NRG4: variants seen among roughly 807,000 people sequenced by gnomAD.
The protein encoded by NRG4 is pro-neuregulin-4, membrane-bound isoform.
NRG4 carries 10 observed loss-of-function variants against 15.0 expected under a neutral mutation model. The ratio of observed to expected loss-of-function variants is 0.67; its 90% CI spans 0.41 to 1.13. The LOEUF (loss-of-function observed/expected upper bound fraction) is 1.13, where lower values mean the gene tolerates loss of function less well. Ranked by LOEUF, NRG4 falls within the 50% of genes most tolerant of loss-of-function variation. The pLI is 0.00. For missense variants in NRG4, 139 were observed against 140.2 expected (o/e 0.99, Z 0.04); for synonymous variants, 41 against 50.1 (o/e 0.82, Z 0.77).
intron 4 of NRG4, among the ~76,000 whole-genome samples, chr15:75,960,465 T>C (rs1400376934): frequency 2.0e-5 from 3 of 152,196 alleles, no homozygotes; most frequent in African/African-American, 7.2e-5. Flanking sequence ...GCTCTCTGTG[T>C]AGCTGCAGTA....
At chr15:75,997,121 T>C (rs901853569) in intron 3 of NRG4, among the ~76,000 whole-genome samples, 1 of 152,150 alleles carries the variant, frequency 6.6e-6, no homozygotes, top group Middle Eastern at 3.2e-3. Context: ...GAAAAAAATA[T>C]GTAAACTAAA....
chr15:75,943,589 T>G lies in NRG4; in HGVS notation c.*49A>C, dbSNP rs1217405566. ...TCTTTTACCTAGTGGTGTTTCATTTTCTGCCTTTGTAAAATAAAAACAATG... is the reference window on the plus strand; with the variant it reads ...TCTTTTACCTAGTGGTGTTTCATTTGCTGCCTTTGTAAAATAAAAACAATG... On this transcript the variant is annotated 3_prime_UTR_variant, in exon 6 of 6. Coordinates refer to ENST00000394907, the MANE Select transcript of NRG4 (RefSeq NM_138573.4). 1 of 1,259,718 alleles carries G rather than the reference T, an allele frequency of 7.9e-7. No individual in the cohort carries two copies. Among genetic ancestry groups the G allele is most frequent in the Non-Finnish European group, 1.2e-6 (1 of 863,912 alleles). The allele number at this position is 1,259,718 out of a possible 1,614,324, so 78.0% of individuals were successfully genotyped here.
Position 75,990,659 on chromosome 15 carries a change from T to A in NRG4, c.104+18541A>T, listed in dbSNP as rs113677672. The stretch of plus-strand genomic sequence containing the variant: ...ACTGATGTTGGTAATTTTCTTACTG[T>A]AGTTGGTAATTGTTTTTTTTTTTTG... On this transcript the variant is annotated intron_variant, in intron 3 of 5. Coordinates refer to ENST00000394907, the MANE Select transcript of NRG4 (RefSeq NM_138573.4). Among the ~76,000 whole-genome samples, 221 of 150,214 alleles carry A rather than the reference T, an allele frequency of 1.5e-3. 2 individuals carry two copies. Among genetic ancestry groups the A allele is most frequent in the Middle Eastern group, 0.014 (4 of 292 alleles).
intron 5 of NRG4, among the ~76,000 whole-genome samples, chr15:76,025,910 C>T (rs966767800): frequency 1.3e-5 from 2 of 151,726 alleles, no homozygotes; most frequent in African/African-American, 4.8e-5. Flanking sequence ...GTGAGAGCAT[C>T]AGTAAACAGA....
intron 3 of NRG4, among the ~76,000 whole-genome samples, chr15:75,967,896 A>G (rs1425267640): frequency 6.6e-6 from 1 of 152,244 alleles, no homozygotes; most frequent in African/African-American, 2.4e-5. Flanking sequence ...ATTTGTCACT[A>G]GGAAGGATAT....
rs1003473033 is a variant in NRG4 at position 76,044,542 on chromosome 15, A to T, written c.-105+7525T>A. ...CTCTAGGACATTGGAGTGGGCAAAG[A>T]TTTCTTGAGTAGGCCGGGTGCAGTG... On this transcript the variant is annotated intron_variant, in intron 4 of 8. Coordinates refer to the NRG4 transcript ENST00000563910. Among the ~76,000 whole-genome samples, 3 of 150,294 alleles carry T rather than the reference A, an allele frequency of 2.0e-5. 1 individual carries two copies. Among genetic ancestry groups the T allele is most frequent in the Non-Finnish European group, 4.4e-5 (3 of 67,748 alleles).
chr15:76,053,873 G>T (rs2036085392), intron 2 of NRG4, among the ~76,000 whole-genome samples: 1 of 150,874 alleles, frequency 6.6e-6, no homozygotes, highest in Non-Finnish European at 1.5e-5. Context: ...TACCACAATT[G>T]GAATAGTGGA....
At chr15:76,015,156 T>C (rs1016106779), upstream of NRG4, among the ~76,000 whole-genome samples, 19 of 152,174 alleles carry the variant, frequency 1.2e-4, no homozygotes, top group African/African-American at 4.6e-4. Context: ...CTGTTATTGG[T>C]GTATAGGAAT....
intron 4 of NRG4, among the ~76,000 whole-genome samples, chr15:76,044,291 C>A (rs948803379): frequency 4.1e-5 from 6 of 145,428 alleles, no homozygotes; most frequent in African/African-American, 1.3e-4. Context: ...CGTGAGCCAC[C>A]GCGCCCGGCC....
intron 5 of NRG4, among the ~76,000 whole-genome samples, chr15:76,034,861 A>G (rs1008674918): frequency 1.2e-4 from 18 of 152,208 alleles, no homozygotes; most frequent in African/African-American, 3.4e-4. Flanking sequence ...TGCGCGTTCA[A>G]TGCTGAGGAG....
At chr15:75,953,615 G>A (rs2032042605) in intron 5 of NRG4, among the ~76,000 whole-genome samples, 1 of 152,188 alleles carries the variant, frequency 6.6e-6, no homozygotes, top group East Asian at 1.9e-4. Flanking sequence ...AATGCCTGCT[G>A]AAATCCTTAG....
At chr15:75,954,586 G>GT (rs113303003) in intron 5 of NRG4, among the ~76,000 whole-genome samples, 1,918 of 142,560 alleles carry the variant, frequency 0.013, 42 homozygotes, top group African/African-American at 0.038. Context: ...CCCACCATTG[G>GT]TTTTTTTTTT....
chr15:75,986,484 T>G (rs1364137832), intron 3 of NRG4, among the ~76,000 whole-genome samples: 1 of 152,204 alleles, frequency 6.6e-6, no homozygotes, highest in Non-Finnish European at 1.5e-5. Flanking sequence ...TATAGTGAAG[T>G]ACTCTGTGGA....
At chr15:75,972,271 C>T (rs1209027606) in intron 3 of NRG4, among the ~76,000 whole-genome samples, 1 of 151,910 alleles carries the variant, frequency 6.6e-6, no homozygotes, top group Non-Finnish European at 1.5e-5. Flanking sequence ...GGATATTAGC[C>T]CTTTGTCAGA....
At chr15:76,020,875 G>A (rs557082401) in intron 5 of NRG4, among the ~76,000 whole-genome samples, 1 of 152,344 alleles carries the variant, frequency 6.6e-6, no homozygotes, top group South Asian at 2.1e-4. Context: ...ACATAAAAGT[G>A]CAAGGTAAAG....
intron 1 of NRG4, among the ~76,000 whole-genome samples, chr15:76,057,917 C>T (rs2036192757): frequency 6.6e-6 from 1 of 151,222 alleles, no homozygotes; most frequent in African/African-American, 2.4e-5. Context: ...TCGCATGAAC[C>T]CGAATTCAAA....
chr15:76,049,415 C>T (rs953567547), intron 4 of NRG4, among the ~76,000 whole-genome samples: 1 of 150,666 alleles, frequency 6.6e-6, no homozygotes. Context: ...TTTCCTTTTA[C>T]CTCTGACCCT....
At chr15:75,974,686 C>A (rs1274667797) in intron 3 of NRG4, among the ~76,000 whole-genome samples, 1 of 152,158 alleles carries the variant, frequency 6.6e-6, no homozygotes, top group East Asian at 1.9e-4. Context: ...GTTTCTTAAT[C>A]CTAAATTCTA....
At chr15:76,010,633 G>A (rs2034775777) in intron 2 of NRG4, among the ~76,000 whole-genome samples, 1 of 151,998 alleles carries the variant, frequency 6.6e-6, no homozygotes, top group Non-Finnish European at 1.5e-5. Flanking sequence ...AATGCTTTTA[G>A]ATTTTTTTCT....
Sources: allele counts gnomAD v4.1 joint callset (sites outside exome capture counted in the v4.1 genomes callset), GRCh38; gene constraint gnomAD v4.1.1; transcripts MANE v1.5; gene names NCBI Gene and HGNC (gene_info 2026-07-23, HGNC 2026-07-21).